COL8A1: variants seen among roughly 807,000 people sequenced by gnomAD.
The protein encoded by COL8A1 is collagen alpha-1(VIII) chain.
COL8A1 carries 21 observed loss-of-function variants against 42.7 expected under a neutral mutation model. The observed-to-expected ratio is 0.49, with a 90% CI of 0.35 to 0.71. The LOEUF is 0.71. Ranked by LOEUF, COL8A1 falls within the 30% of genes least tolerant of loss-of-function variation. The pLI, the probability that COL8A1 is intolerant of heterozygous loss-of-function variation, is 0.01. For synonymous variants in COL8A1, 367 were observed against 369.1 expected, an observed-to-expected ratio of 0.99 and a Z score of 0.06; for missense variants, 788 against 962.4, an observed-to-expected ratio of 0.82 and a Z score of 2.40.
At chr3:99,775,896 A>G (rs1474150764) in intron 2 of COL8A1, among the ~76,000 whole-genome samples, 6 of 152,178 alleles carry the variant, frequency 3.9e-5, no homozygotes, top group African/African-American at 1.4e-4. Flanking sequence ...AAATCTGGGT[A>G]TTGAGGAAAA....
chr3:99,651,672 A>T (rs1394797560), intron 1 of COL8A1, among the ~76,000 whole-genome samples: 1 of 152,254 alleles, frequency 6.6e-6, no homozygotes, highest in African/African-American at 2.4e-5. Flanking sequence ...CTAACCTATT[A>T]ATAAGCCTTC....
intron 2 of COL8A1, among the ~76,000 whole-genome samples, chr3:99,775,538 A>T (rs1337018313): frequency 6.6e-6 from 1 of 152,200 alleles, no homozygotes; most frequent in Non-Finnish European, 1.5e-5. Context: ...TCTTGAATAC[A>T]TTAACTCTTG....
intron 1 of COL8A1, among the ~76,000 whole-genome samples, chr3:99,668,486 A>G (rs1938432696): frequency 6.6e-6 from 1 of 152,178 alleles, no homozygotes; most frequent in African/African-American, 2.4e-5. Flanking sequence ...AGACTTAAAA[A>G]GAATATAGAA....
chr3:99,730,049 T>A lies in COL8A1; in HGVS notation c.-128-14848T>A, dbSNP rs528935426. On this transcript the variant is annotated intron_variant, in intron 1 of 3. Coordinates refer to ENST00000652472, the MANE Select transcript of COL8A1 (RefSeq NM_020351.4). ...CCTTAAAAAACTTGAAACCAAACTC[T>A]GGGATGATGTCAATGGGATAAGAAT... Among the ~76,000 whole-genome samples, 6 of 152,246 alleles carry A rather than the reference T, an allele frequency of 3.9e-5. No individual in the cohort carries two copies. The South Asian group carries it at 1.2e-3, about 32-fold the overall frequency.
At chr3:99,695,138 A>T (rs1939330799) in intron 1 of COL8A1, among the ~76,000 whole-genome samples, 1 of 152,186 alleles carries the variant, frequency 6.6e-6, no homozygotes, top group Non-Finnish European at 1.5e-5. Context: ...AGTCATATTT[A>T]AAAAGTAAAA....
chr3:99,667,971 C>T (rs1938418227), intron 1 of COL8A1, among the ~76,000 whole-genome samples: 1 of 152,026 alleles, frequency 6.6e-6, no homozygotes, highest in Admixed American at 6.6e-5. Context: ...TTAATAAGAA[C>T]TATTTTCTCC....
chr3:99,723,345 G>A (rs1038645402), intron 1 of COL8A1, among the ~76,000 whole-genome samples: 1 of 152,022 alleles, frequency 6.6e-6, no homozygotes, highest in Non-Finnish European at 1.5e-5. Flanking sequence ...AGACCTGCCT[G>A]GAAGTTGCTT....
intron 2 of COL8A1, among the ~76,000 whole-genome samples, chr3:99,777,833 T>A (rs548348770): frequency 1.3e-5 from 2 of 152,210 alleles, no homozygotes; most frequent in Admixed American, 6.5e-5. Context: ...GAAATACACT[T>A]AAGTGGCATT....
intron 1 of COL8A1, among the ~76,000 whole-genome samples, chr3:99,695,166 A>T (rs1939331685): frequency 6.6e-6 from 1 of 152,164 alleles, no homozygotes; most frequent in Non-Finnish European, 1.5e-5. Flanking sequence ...GGTTAATTTC[A>T]ATAATATATT....
At chr3:99,738,632 TCAGA>T (rs1559623593) in intron 1 of COL8A1, among the ~76,000 whole-genome samples, 1 of 152,242 alleles carries the variant, frequency 6.6e-6, no homozygotes, top group Non-Finnish European at 1.5e-5. Context: ...TTTAAAGCTG[TCAGA>T]CAGGGACATT....
At chr3:99,781,687 G>A (rs1006104836) in intron 2 of COL8A1, among the ~76,000 whole-genome samples, 34 of 152,214 alleles carry the variant, frequency 2.2e-4, no homozygotes, top group African/African-American at 7.7e-4. Context: ...CTGTACTAGT[G>A]CATGTACTAG....
chr3:99,793,933 G>T (rs1434622974), intron 3 of COL8A1, among the ~76,000 whole-genome samples: 1 of 152,050 alleles, frequency 6.6e-6, no homozygotes, highest in East Asian at 1.9e-4. Context: ...TGTATTTTTA[G>T]TAGAGACGCG....
At position 99,641,696 on chromosome 3, in the gene COL8A1, AC is replaced by A. The variant is rs545085972; in HGVS notation, c.-129+3033del. On this transcript the variant is annotated intron_variant, in intron 1 of 3. Coordinates refer to ENST00000652472, the MANE Select transcript of COL8A1 (RefSeq NM_020351.4). Reference sequence around the variant, plus strand: ...TGGAAACTTGCAGACAGATTGAGACACACCGTATTTCCTAAAACCTCTGGTC... The same window carrying A: ...TGGAAACTTGCAGACAGATTGAGACAACCGTATTTCCTAAAACCTCTGGTC... Among the ~76,000 whole-genome samples the A allele has an allele frequency of 2.0e-3, 298 of 152,284 alleles. 2 individuals carry two copies. The highest frequency in any genetic ancestry group is 6.8e-3 in the African/African-American group (282 of 41,562).
chr3:99,693,105 G>A (rs372267855), intron 1 of COL8A1, among the ~76,000 whole-genome samples: 11 of 152,254 alleles, frequency 7.2e-5, no homozygotes, highest in South Asian at 2.1e-4. Flanking sequence ...CAGGAGAATC[G>A]TTTGAACCTG....
At chr3:99,745,616 C>T (rs180789135) in intron 2 of COL8A1, among the ~76,000 whole-genome samples, 23 of 151,956 alleles carry the variant, frequency 1.5e-4, no homozygotes, top group African/African-American at 4.3e-4. Flanking sequence ...TCCTTTCAGA[C>T]GACTGAAGTG....
intron 1 of COL8A1, among the ~76,000 whole-genome samples, chr3:99,687,082 G>A (rs1431195765): frequency 6.6e-6 from 1 of 151,884 alleles, no homozygotes; most frequent in Non-Finnish European, 1.5e-5. Context: ...GCACTCAAGC[G>A]ATCCTCCTGC....
At chr3:99,733,118 CTTTTT>C (rs71130093) in intron 1 of COL8A1, among the ~76,000 whole-genome samples, 11 of 132,306 alleles carry the variant, frequency 8.3e-5, no homozygotes, top group African/African-American at 2.7e-4. Flanking sequence ...CAGCTTTTTT[CTTTTT>C]TTTTTTTTTT....
chr3:99,742,670 G>C (rs1424420926), intron 1 of COL8A1, among the ~76,000 whole-genome samples: 1 of 152,158 alleles, frequency 6.6e-6, no homozygotes, highest in Non-Finnish European at 1.5e-5. Context: ...TTGAAAAACG[G>C]CAATTTAGGC....
At chr3:99,699,552 GA>G (rs1438206291) in intron 1 of COL8A1, among the ~76,000 whole-genome samples, 1 of 152,166 alleles carries the variant, frequency 6.6e-6, no homozygotes, top group East Asian at 1.9e-4. Flanking sequence ...AATACTAAGA[GA>G]AATTATCTAA....
Sources: allele counts gnomAD v4.1 joint callset (sites outside exome capture counted in the v4.1 genomes callset), GRCh38; gene constraint gnomAD v4.1.1; transcripts MANE v1.5; gene names NCBI Gene and HGNC (gene_info 2026-07-23, HGNC 2026-07-21).